Variants in SYNJ2BP observed in about 807,000 individuals in gnomAD.
SYNJ2BP encodes synaptojanin 2 binding protein.
Under a neutral mutation model 16.9 loss-of-function variants are expected in SYNJ2BP, and 10 were observed. The observed-to-expected ratio is 0.59, with a 90% CI of 0.36 to 1.00. The LOEUF is 1.00. SYNJ2BP is among the 50% of genes least tolerant of loss of function. The probability of loss-of-function intolerance (pLI) is 0.01; values close to 1 mark genes in which losing one functional copy is unlikely to be tolerated. For missense variants in SYNJ2BP, 162 were observed against 186.7 expected (o/e 0.87, Z 0.77); for synonymous variants, 54 against 68.4 (o/e 0.79, Z 1.04).
chr14:70,416,690 C>T (rs968082994), intron 1 of SYNJ2BP, among the ~76,000 whole-genome samples: 2 of 152,108 alleles, frequency 1.3e-5, no homozygotes, highest in East Asian at 3.9e-4. Context: ...TGTGTTCATC[C>T]AACTGGATTT....
At chr14:70,401,647 G>C (rs543823445) in intron 1 of SYNJ2BP, among the ~76,000 whole-genome samples, 1 of 150,884 alleles carries the variant, frequency 6.6e-6, no homozygotes, top group South Asian at 2.1e-4. Context: ...AACTTCACTG[G>C]CCTTTTACAA....
At chr14:70,404,779 T>C (rs1888313313) in intron 1 of SYNJ2BP, among the ~76,000 whole-genome samples, 2 of 152,218 alleles carry the variant, frequency 1.3e-5, no homozygotes. Context: ...AGAGATCACT[T>C]TTCTTTACAT....
intron 1 of SYNJ2BP, 138 bp from the exon 2 acceptor site, chr14:70,388,744 A>G (rs1048918217): frequency 3.1e-6 from 4 of 1,285,904 alleles, no homozygotes; most frequent in Admixed American, 3.7e-5. Context: ...TCAGCCTGTG[A>G]TGGAGCTGGT....
At chr14:70,374,752 A>G (rs1373457118) in intron 3 of SYNJ2BP, among the ~76,000 whole-genome samples, 1 of 152,206 alleles carries the variant, frequency 6.6e-6, no homozygotes, top group African/African-American at 2.4e-5. Flanking sequence ...AGGGAAAAGC[A>G]TATAGTGGGT....
At chr14:70,390,913 C>A (rs1179277419) in intron 1 of SYNJ2BP, among the ~76,000 whole-genome samples, 1 of 152,088 alleles carries the variant, frequency 6.6e-6, no homozygotes, top group Non-Finnish European at 1.5e-5. Flanking sequence ...GTGGGTGGAT[C>A]ACTTGAGCTC....
At position 70,416,887 on chromosome 14, in the gene SYNJ2BP, T is replaced by C. The variant is rs1259245325; in HGVS notation, c.64+13A>G. The stretch of plus-strand genomic sequence containing the variant: ...AATCCCCTACTGTCAGATATGACCC[T>C]TTCCGCACATACCTGAGGGCCCTCT... On this transcript the variant is annotated intron_variant, in intron 1 of 3. Transcript: ENST00000256366. 1 of 1,614,170 alleles carries C rather than the reference T, an allele frequency of 6.2e-7. No individual in the cohort carries two copies. Among genetic ancestry groups the C allele is most frequent in the Non-Finnish European group, 8.5e-7 (1 of 1,180,018 alleles).
chr14:70,380,460 G>A (rs1008830176), intron 2 of SYNJ2BP, among the ~76,000 whole-genome samples: 2 of 151,964 alleles, frequency 1.3e-5, no homozygotes, highest in African/African-American at 4.8e-5. Context: ...TCAGGAGTTC[G>A]AGACCACCCT....
At chr14:70,405,155 T>C (rs1022552412) in intron 1 of SYNJ2BP, among the ~76,000 whole-genome samples, 2 of 151,784 alleles carry the variant, frequency 1.3e-5, no homozygotes, top group Admixed American at 6.6e-5. Flanking sequence ...CAATCAATGA[T>C]AGGAAAGAAG....
At chr14:70,408,866 C>T (rs1213950003) in intron 1 of SYNJ2BP, among the ~76,000 whole-genome samples, 4 of 152,080 alleles carry the variant, frequency 2.6e-5, no homozygotes, top group Middle Eastern at 3.2e-3. Context: ...CTGAGTCTCG[C>T]TGTATCGCCC....
intron 1 of SYNJ2BP, among the ~76,000 whole-genome samples, chr14:70,398,069 G>A (rs373639799): frequency 6.6e-6 from 1 of 152,154 alleles, no homozygotes; most frequent in East Asian, 1.9e-4. Context: ...CTCTCTGTAG[G>A]CAGGTCATCT....
intron 2 of SYNJ2BP, among the ~76,000 whole-genome samples, chr14:70,379,154 C>A (rs1352046965): frequency 6.6e-6 from 1 of 152,184 alleles, no homozygotes; most frequent in Admixed American, 6.5e-5. Flanking sequence ...CTTAGTTGAA[C>A]TACTGTGATC....
chr14:70,374,686 A>T (rs1323899860), intron 3 of SYNJ2BP, among the ~76,000 whole-genome samples: 1 of 152,146 alleles, frequency 6.6e-6, no homozygotes, highest in African/African-American at 2.4e-5. Context: ...TATGAACACT[A>T]AAGATTTGGT....
intron 1 of SYNJ2BP, among the ~76,000 whole-genome samples, chr14:70,392,293 T>C (rs764378774): frequency 2.0e-5 from 3 of 152,204 alleles, no homozygotes; most frequent in Admixed American, 1.3e-4. Flanking sequence ...AAATTTATCC[T>C]TTTCCCTGTC....
chr14:70,398,709 A>G (rs958801727), intron 1 of SYNJ2BP, among the ~76,000 whole-genome samples: 1 of 152,228 alleles, frequency 6.6e-6, no homozygotes, highest in Middle Eastern at 3.4e-3. Context: ...AGGTCTTTGC[A>G]CCTGGGAGGG....
intron 2 of SYNJ2BP, among the ~76,000 whole-genome samples, chr14:70,386,820 C>T (rs1160423722): frequency 6.6e-6 from 1 of 152,094 alleles, no homozygotes; most frequent in Non-Finnish European, 1.5e-5. Context: ...TCAAATGAAA[C>T]TATATAGCAA....
chr14:70,399,624 G>A (rs180942939), intron 1 of SYNJ2BP, among the ~76,000 whole-genome samples: 258 of 152,318 alleles, frequency 1.7e-3, no homozygotes, highest in African/African-American at 5.7e-3. Flanking sequence ...CACTGCCCAC[G>A]CCTCCCCGCT....
chr14:70,373,618 CT>C (rs1887564670), intron 3 of SYNJ2BP, among the ~76,000 whole-genome samples: 1 of 152,194 alleles, frequency 6.6e-6, no homozygotes, highest in Admixed American at 6.5e-5. Flanking sequence ...AATGCCATTA[CT>C]TGAAAAATGC....
At chr14:70,377,209 C>T (rs560601563) in intron 2 of SYNJ2BP, among the ~76,000 whole-genome samples, 3 of 152,322 alleles carry the variant, frequency 2.0e-5, no homozygotes, top group African/African-American at 4.8e-5. Flanking sequence ...TACTTGCATC[C>T]TTGCCCATCT....
At position 70,379,394 on chromosome 14, in the gene SYNJ2BP, A is replaced by G. The variant is rs142708845; in HGVS notation, c.202-3623T>C. ...CAGGTTAATTTCTATTTCCTTTCCT[A>G]TATCCTATACTCTAGCTAAGTCACA... is the stretch of plus-strand genomic sequence containing the variant. On this transcript the variant is annotated intron_variant, in intron 2 of 3. Transcript: ENST00000256366. 8.1e-3 allele frequency among the ~76,000 whole-genome samples: 1,226 copies of G among 152,284 alleles called. 13 individuals are homozygous for G. The highest frequency in any genetic ancestry group is 0.012 in the Non-Finnish European group (824 of 68,018).
Sources: gnomAD v4.1 joint callset for allele counts (sites outside exome capture counted in the v4.1 genomes callset) on GRCh38, gnomAD v4.1.1 for gene constraint, MANE v1.5 for transcripts, NCBI Gene and HGNC (gene_info 2026-07-23, HGNC 2026-07-21) for gene names.